Variants in ROBO2 observed in about 807,000 individuals in gnomAD.
ROBO2 encodes roundabout homolog 2.
Under a neutral mutation model 160.8 loss-of-function variants are expected in ROBO2, and 53 were observed. That is an observed-to-expected ratio of 0.33 (90% CI 0.26 to 0.41). ROBO2 has a LOEUF of 0.41. Ranked by LOEUF, ROBO2 falls within the 10% of genes least tolerant of loss-of-function variation. The probability of loss-of-function intolerance (pLI) is 1.00; values close to 1 mark genes in which losing one functional copy is unlikely to be tolerated. For missense variants in ROBO2, 1,577 were observed against 1,722.4 expected, an observed-to-expected ratio of 0.92 and a Z score of 1.49; for synonymous variants, 664 against 611.7, an observed-to-expected ratio of 1.09 and a Z score of -1.26.
At chr3:77,429,059 T>C (rs1446625136) in intron 2 of ROBO2, among the ~76,000 whole-genome samples, 2 of 152,210 alleles carry the variant, frequency 1.3e-5, no homozygotes, top group African/African-American at 4.8e-5. Flanking sequence ...ACACTAGTTT[T>C]ATTTCCATAA....
chr3:77,437,042 CA>C (rs2079364631), intron 2 of ROBO2, among the ~76,000 whole-genome samples: 1 of 151,950 alleles, frequency 6.6e-6, no homozygotes, highest in Non-Finnish European at 1.5e-5. Context: ...TAAAATATGA[CA>C]AATGGAATTC....
At chr3:77,479,709 G>A (rs761360698) in intron 3 of ROBO2, among the ~76,000 whole-genome samples, 2 of 152,058 alleles carry the variant, frequency 1.3e-5, no homozygotes, top group Non-Finnish European at 2.9e-5. Flanking sequence ...TTTATGGATT[G>A]GTAGTTTATG....
chr3:77,080,585 A>G (rs1306702096), intron 1 of ROBO2, among the ~76,000 whole-genome samples: 1 of 152,088 alleles, frequency 6.6e-6, no homozygotes, highest in Non-Finnish European at 1.5e-5. Context: ...CATAATGTTA[A>G]TTAGTACTTC....
intron 2 of ROBO2, chr3:77,317,000 A>G (rs952197314): frequency 3.3e-6 from 5 of 1,522,906 alleles, no homozygotes; most frequent in Non-Finnish European, 4.5e-6. Context: ...GCGGTCTCCA[A>G]CTTCTTGTTC....
chr3:76,633,638 T>A (rs1438015781), intron 2 of ROBO2, among the ~76,000 whole-genome samples: 1 of 152,212 alleles, frequency 6.6e-6, no homozygotes, highest in Non-Finnish European at 1.5e-5. Context: ...AAGAAATGGT[T>A]TCCCAAGCAC....
intron 2 of ROBO2, among the ~76,000 whole-genome samples, chr3:76,952,147 A>T (rs2149182800): frequency 6.6e-6 from 1 of 152,352 alleles, no homozygotes; most frequent in South Asian, 2.1e-4. Flanking sequence ...CTCTGGAAAC[A>T]CAGCCTGCGT....
intron 8 of ROBO2, among the ~76,000 whole-genome samples, chr3:77,556,394 TG>T (rs542213629): frequency 2.0e-3 from 308 of 152,008 alleles, no homozygotes; most frequent in Non-Finnish European, 5.0e-4. Flanking sequence ...CAGTTTTTAT[TG>T]TTTTTCTTAG....
chr3:76,919,069 T>C (rs2076505163), intron 2 of ROBO2, among the ~76,000 whole-genome samples: 1 of 152,140 alleles, frequency 6.6e-6, no homozygotes, highest in South Asian at 2.1e-4. Context: ...TTCTGGATAT[T>C]AGACCTTTGT....
intron 2 of ROBO2, among the ~76,000 whole-genome samples, chr3:76,663,316 G>C (rs563123011): frequency 6.4e-4 from 98 of 152,240 alleles, no homozygotes; most frequent in African/African-American, 2.3e-3. Flanking sequence ...TAAGTTTGTG[G>C]AGCCTGTGTA....
At chr3:76,233,758 G>GT (rs1225680326) in intron 2 of ROBO2, among the ~76,000 whole-genome samples, 2 of 152,078 alleles carry the variant, frequency 1.3e-5, no homozygotes, top group Non-Finnish European at 2.9e-5. Context: ...TTACCAAAAG[G>GT]TTTAGATTCA....
intron 2 of ROBO2, among the ~76,000 whole-genome samples, chr3:77,235,214 T>G (rs907730206): frequency 6.6e-6 from 1 of 152,206 alleles, no homozygotes; most frequent in South Asian, 2.1e-4. Context: ...ATATCATACA[T>G]AGAATTATGA....
intron 2 of ROBO2, among the ~76,000 whole-genome samples, chr3:76,053,629 T>G (rs1174999702): frequency 6.6e-6 from 1 of 152,092 alleles, no homozygotes; most frequent in Non-Finnish European, 1.5e-5. Context: ...TCTTCTGTAA[T>G]GTAGGATGCA....
intron 2 of ROBO2, among the ~76,000 whole-genome samples, chr3:76,060,269 T>C (rs1285749937): frequency 6.7e-6 from 1 of 150,310 alleles, no homozygotes; most frequent in African/African-American, 2.5e-5. Context: ...TTAAAAAGCA[T>C]TTTCACACAG....
chr3:76,029,473 G>T (rs751405405), intron 2 of ROBO2, among the ~76,000 whole-genome samples: 1 of 151,858 alleles, frequency 6.6e-6, no homozygotes, highest in Non-Finnish European at 1.5e-5. Context: ...CCATTAAATC[G>T]TCATTTACAT....
chr3:77,237,702 C>T (rs1173001875), intron 2 of ROBO2, among the ~76,000 whole-genome samples: 3 of 152,138 alleles, frequency 2.0e-5, no homozygotes, highest in African/African-American at 4.8e-5. Context: ...CTATAAACAT[C>T]TGTGTGCAGT....
chr3:76,540,531 A>AAAACCCC (rs1293989561), intron 2 of ROBO2, among the ~76,000 whole-genome samples: 2 of 152,204 alleles, frequency 1.3e-5, no homozygotes, highest in East Asian at 3.9e-4. Flanking sequence ...GACAAAATTA[A>AAAACCCC]AAACCCCATA....
chr3:76,223,192 G>A (rs550491046), intron 2 of ROBO2, among the ~76,000 whole-genome samples: 1 of 151,760 alleles, frequency 6.6e-6, no homozygotes, highest in South Asian at 2.1e-4. Context: ...TCACCTTTAG[G>A]ATCCTGCTAG....
intron 2 of ROBO2, among the ~76,000 whole-genome samples, chr3:76,823,579 T>C (rs1034217938): frequency 6.6e-6 from 1 of 152,098 alleles, no homozygotes; most frequent in Non-Finnish European, 1.5e-5. Context: ...TTGCTTCAAA[T>C]CAGGCCAGTC....
intron 2 of ROBO2, among the ~76,000 whole-genome samples, chr3:76,286,210 A>G (rs193081083): frequency 6.6e-6 from 1 of 152,326 alleles, no homozygotes; most frequent in African/African-American, 2.4e-5. Context: ...AGGAGGAACA[A>G]GCTTCCATAA....
Sources: gnomAD v4.1 joint callset for allele counts (sites outside exome capture counted in the v4.1 genomes callset) on GRCh38, gnomAD v4.1.1 for gene constraint, MANE v1.5 for transcripts, NCBI Gene and HGNC (gene_info 2026-07-23, HGNC 2026-07-21) for gene names.